The following F13A1 variants were observed in gnomAD, a reference collection of about 807,000 sequenced individuals.
F13A1 encodes coagulation factor XIII A chain.
Under a neutral mutation model 80.1 loss-of-function variants are expected in F13A1, and 47 were observed. That is an observed-to-expected ratio of 0.59 (90% CI 0.46 to 0.75). The LOEUF (loss-of-function observed/expected upper bound fraction) is 0.75. Ranked by LOEUF, F13A1 falls within the 30% of genes least tolerant of loss-of-function variation. The pLI is 0.00. For missense variants in F13A1, 817 were observed against 930.4 expected (o/e 0.88, Z 1.59); for synonymous variants, 349 against 344.9 (o/e 1.01, Z -0.13).
intron 7 of F13A1, among the ~76,000 whole-genome samples, chr6:6,224,313 AAT>A (rs762339176): frequency 7.9e-5 from 12 of 152,234 alleles, no homozygotes; most frequent in Non-Finnish European, 1.8e-4. Context: ...ATAAATAAGC[AAT>A]ATATATCTTT....
intron 3 of F13A1, among the ~76,000 whole-genome samples, chr6:6,272,414 C>T (rs555804458): frequency 6.6e-6 from 1 of 152,204 alleles, no homozygotes; most frequent in Admixed American, 6.5e-5. Flanking sequence ...GGGTTGGTAT[C>T]AGTGACTGAG....
intron 10 of F13A1, among the ~76,000 whole-genome samples, chr6:6,187,878 T>C (rs983022615): frequency 2.1e-5 from 3 of 140,840 alleles, no homozygotes; most frequent in Non-Finnish European, 4.7e-5. Flanking sequence ...TGGTAAGCTA[T>C]TGATTATTGC....
At chr6:6,275,630 A>G (rs1035803534) in intron 3 of F13A1, among the ~76,000 whole-genome samples, 1 of 152,162 alleles carries the variant, frequency 6.6e-6, no homozygotes, top group Non-Finnish European at 1.5e-5. Flanking sequence ...TGGCCTCCCA[A>G]TGTGCTGGGA....
In F13A1 at chr6:6,182,025, G is replaced by A; in HGVS notation, c.1422C>T (p.Gly474=). The A allele has an allele frequency of 1.2e-6, 2 of 1,614,158 alleles. No homozygotes were observed. The highest frequency in any genetic ancestry group is 2.2e-5 in the South Asian group (2 of 91,082). ...TGTAAGTATCAGTAATATCCATCAT[G>A]CCATCTCCTCCAATTTGTTTGGTCA... ...LIVTKQIGGD[G]MMDITDTYKF... Residue 474 remains glycine (G), a synonymous_variant, in exon 11 of 15, where the codon GGC becomes GGT. Coordinates refer to ENST00000264870, the MANE Select transcript of F13A1 (RefSeq NM_000129.4).
chr6:6,222,178 G>A lies in F13A1; in HGVS notation c.974-7C>T, dbSNP rs1311754529. On this transcript the variant is annotated splice_polypyrimidine_tract_variant and splice_region_variant and intron_variant, in intron 7 of 14. Transcript: ENST00000264870. Reference sequence around the variant, plus strand: ...ATTCCAAGGCATCGTAAAACTACAGGAAAGGACAGACCACAGCTAAACACA... The same window carrying A: ...ATTCCAAGGCATCGTAAAACTACAGAAAAGGACAGACCACAGCTAAACACA... 1.9e-6 allele frequency: 3 copies of A among 1,613,806 alleles called. No homozygotes were observed. Among genetic ancestry groups the A allele is most frequent in the Middle Eastern group, 1.6e-4 (1 of 6,082 alleles).
At chr6:6,163,858 G>C (rs62407993) in intron 13 of F13A1, among the ~76,000 whole-genome samples, 11,818 of 152,208 alleles carry the variant, frequency 0.078, 485 homozygotes, top group African/African-American at 0.1. Flanking sequence ...TCAAATGGTA[G>C]TTCTGTGTTT....
intron 6 of F13A1, among the ~76,000 whole-genome samples, chr6:6,238,040 T>C (rs2113083422): frequency 6.6e-6 from 1 of 152,286 alleles, no homozygotes; most frequent in South Asian, 2.1e-4. Context: ...CAAAAATGAA[T>C]GACTACCTGA....
chr6:6,153,142 C>T (rs1487273557), intron 13 of F13A1, among the ~76,000 whole-genome samples: 1 of 152,118 alleles, frequency 6.6e-6, no homozygotes, highest in Admixed American at 6.6e-5. Context: ...AAGTCAATGG[C>T]TCAAAAATGG....
chr6:6,276,707 G>C (rs1203145344), intron 3 of F13A1, among the ~76,000 whole-genome samples: 1 of 152,154 alleles, frequency 6.6e-6, no homozygotes, highest in Non-Finnish European at 1.5e-5. Context: ...AACCCTCTCA[G>C]TGCATTTTCC....
chr6:6,288,125 T>C (rs1334591213), intron 3 of F13A1, among the ~76,000 whole-genome samples: 2 of 152,210 alleles, frequency 1.3e-5, no homozygotes, highest in Admixed American at 1.3e-4. Flanking sequence ...CCTTACATAG[T>C]TACCTTTCTT....
At chr6:6,266,422 A>G in intron 4 of F13A1, 136 bp downstream of exon 4, 1 of 1,306,598 alleles carries the variant, frequency 7.7e-7, no homozygotes, top group Non-Finnish European at 1.1e-6. Flanking sequence ...TTTTTTAGAG[A>G]CTAGGTCTCA....
chr6:6,145,858 C>T, intron 14 of F13A1, 86 bp from the exon 15 acceptor site: 1 of 1,579,320 alleles, frequency 6.3e-7, no homozygotes, highest in Non-Finnish European at 8.7e-7. Flanking sequence ...GCCTAAGTCA[C>T]TTGCTTTCTT....
chr6:6,320,271 A>G (rs902875249), intron 1 of F13A1, among the ~76,000 whole-genome samples: 19 of 152,308 alleles, frequency 1.2e-4, no homozygotes, highest in African/African-American at 4.6e-4. Context: ...TTCCAGCTCC[A>G]TAATCTGCTC....
At chr6:6,154,750 C>T (rs1760444549) in intron 13 of F13A1, among the ~76,000 whole-genome samples, 1 of 152,140 alleles carries the variant, frequency 6.6e-6, no homozygotes, top group Admixed American at 6.5e-5. Context: ...TCAAGTGTGT[C>T]CAATATATTT....
intron 3 of F13A1, among the ~76,000 whole-genome samples, chr6:6,294,541 CATAT>C (rs558563187): frequency 6.0e-5 from 9 of 149,862 alleles, no homozygotes; most frequent in African/African-American, 2.2e-4. Flanking sequence ...CACACACACA[CATAT>C]ATATATATAC....
intron 10 of F13A1, among the ~76,000 whole-genome samples, chr6:6,183,463 T>G (rs1761024342): frequency 6.6e-6 from 1 of 152,250 alleles, no homozygotes; most frequent in South Asian, 2.1e-4. Flanking sequence ...TATGCTTTAG[T>G]AAGCATGATT....
chr6:6,242,323 G>A (rs1004081929), intron 6 of F13A1, among the ~76,000 whole-genome samples: 2 of 152,088 alleles, frequency 1.3e-5, no homozygotes, highest in African/African-American at 4.8e-5. Flanking sequence ...AACATCGATT[G>A]GTTAAAAAAG....
chr6:6,300,271 C>T (rs2113174343), intron 3 of F13A1, among the ~76,000 whole-genome samples: 2 of 149,686 alleles, frequency 1.3e-5, no homozygotes, highest in South Asian at 4.2e-4. Flanking sequence ...GGGCTCCACC[C>T]AGTTCGAGCT....
chr6:6,258,823 A>G (rs969471635), intron 4 of F13A1, among the ~76,000 whole-genome samples: 2 of 152,230 alleles, frequency 1.3e-5, no homozygotes, highest in African/African-American at 4.8e-5. Flanking sequence ...CAACTATTTG[A>G]TTACTATCCT....
Sources: gnomAD v4.1 joint callset for allele counts (sites outside exome capture counted in the v4.1 genomes callset) on GRCh38, gnomAD v4.1.1 for gene constraint, MANE v1.5 for transcripts, NCBI Gene and HGNC (gene_info 2026-07-23, HGNC 2026-07-21) for gene names.